Variants in PLCB4 observed in about 807,000 individuals in gnomAD.
PLCB4 encodes phospholipase C beta 4.
Under a neutral mutation model 178.8 loss-of-function variants are expected in PLCB4, and 77 were observed. The observed-to-expected ratio is 0.43, with a 90% CI of 0.36 to 0.52. PLCB4 has a LOEUF of 0.52. Ranked by LOEUF, PLCB4 falls within the 20% of genes least tolerant of loss-of-function variation. The probability of loss-of-function intolerance (pLI) is 0.00; values close to 1 mark genes in which losing one functional copy is unlikely to be tolerated. For missense variants in PLCB4, 1,024 were observed against 1,453.4 expected (o/e 0.70, Z 4.80); for synonymous variants, 496 against 490.8 (o/e 1.01, Z -0.14).
intron 2 of PLCB4, among the ~76,000 whole-genome samples, chr20:9,210,493 G>C (rs891739407): frequency 2.0e-5 from 3 of 152,160 alleles, no homozygotes; most frequent in Non-Finnish European, 4.4e-5. Flanking sequence ...GACGGAGTTG[G>C]CTGGGTGGAA....
intron 2 of PLCB4, among the ~76,000 whole-genome samples, chr20:9,104,169 G>A (rs748492323): frequency 1.4e-4 from 21 of 152,160 alleles, no homozygotes; most frequent in Non-Finnish European, 2.5e-4. Flanking sequence ...CTACATGCCT[G>A]GCAAGTTGAT....
At chr20:9,396,744 G>A (rs1479741180) in intron 19 of PLCB4, among the ~76,000 whole-genome samples, 3 of 152,140 alleles carry the variant, frequency 2.0e-5, no homozygotes, top group Non-Finnish European at 2.9e-5. Context: ...AAGAATTTTT[G>A]TTTCCCAATG....
chr20:9,384,236 A>T lies in PLCB4; in HGVS notation c.889A>T (p.Met297Leu). ...ISSDGFCRYLMSDENAPVFLD... is the reference protein window; with the variant it reads ...ISSDGFCRYLLSDENAPVFLD... Reference sequence around the variant, plus strand: ...AAGTGATGGGTTTTGCAGATATCTGATGTCAGATGAAAACGCCCCAGTCTT... The same window carrying T: ...AAGTGATGGGTTTTGCAGATATCTGTTGTCAGATGAAAACGCCCCAGTCTT... Residue 297 changes from methionine to leucine, a missense_variant, in exon 14 of 40, where the codon ATG becomes TTG. Physicochemically the swap from Met to Leu is conservative, Grantham distance 15. Around this residue, in one of 7 missense-constraint regions of PLCB4, gnomAD observed 263 missense variants for 417.4 expected, o/e 0.63. Coordinates refer to ENST00000378473, the MANE Select transcript of PLCB4 (RefSeq NM_001377142.1). The T allele has an allele frequency of 6.2e-7, 1 of 1,614,100 alleles. No individual in the cohort carries two copies. Among genetic ancestry groups the T allele is most frequent in the Non-Finnish European group, 8.5e-7 (1 of 1,179,950 alleles).
rs561273365 is a variant in PLCB4, at chr20:9,229,069, G to T, written c.-16+11617G>T. Among the ~76,000 whole-genome samples, 5 of 152,322 alleles carry T rather than the reference G, an allele frequency of 3.3e-5. No homozygotes were observed. The East Asian group carries it at 9.7e-4, about 29-fold the overall frequency. ...AAAACAAACCCCATGCTCTTAGAGA[G>T]TGCCTAAGACATTGTGAGAGTTTAA... On this transcript the variant is annotated intron_variant, in intron 3 of 39. Coordinates refer to ENST00000378473, the MANE Select transcript of PLCB4 (RefSeq NM_001377142.1).
At chr20:9,145,003 T>C (rs1200559990) in intron 2 of PLCB4, among the ~76,000 whole-genome samples, 1 of 152,040 alleles carries the variant, frequency 6.6e-6, no homozygotes, top group Non-Finnish European at 1.5e-5. Context: ...TCCAAAGCCA[T>C]GTGAGAAGAA....
At chr20:9,178,368 A>G (rs1031452983) in intron 2 of PLCB4, among the ~76,000 whole-genome samples, 1 of 152,000 alleles carries the variant, frequency 6.6e-6, no homozygotes, top group Non-Finnish European at 1.5e-5. Context: ...AATTTGGATC[A>G]CCTTCTGTGG....
chr20:9,105,344 A>G (rs977250006), intron 2 of PLCB4, among the ~76,000 whole-genome samples: 1 of 152,122 alleles, frequency 6.6e-6, no homozygotes, highest in Admixed American at 6.5e-5. Context: ...AATGAGTTTC[A>G]TATTAGTGGA....
chr20:9,076,858 T>G (rs1341407822), intron 1 of PLCB4, among the ~76,000 whole-genome samples: 1 of 152,154 alleles, frequency 6.6e-6, no homozygotes, highest in Non-Finnish European at 1.5e-5. Flanking sequence ...TTTAAAATGA[T>G]GTAAGTAATA....
chr20:9,342,368 G>A (rs1202948078), intron 7 of PLCB4, among the ~76,000 whole-genome samples: 1 of 152,188 alleles, frequency 6.6e-6, no homozygotes, highest in Non-Finnish European at 1.5e-5. Context: ...GACTCACTGA[G>A]TGGTTCTACT....
At chr20:9,430,910 T>A (rs989076835) in intron 28 of PLCB4, among the ~76,000 whole-genome samples, 11 of 152,226 alleles carry the variant, frequency 7.2e-5, no homozygotes, top group African/African-American at 2.7e-4. Flanking sequence ...GCACATGACT[T>A]TTTATGGAAG....
chr20:9,316,190 C>T (rs78789178), intron 4 of PLCB4, among the ~76,000 whole-genome samples: 1 of 152,062 alleles, frequency 6.6e-6, no homozygotes, highest in Admixed American at 6.5e-5. Context: ...TCATCAGCAC[C>T]ACCCAGAACC....
At chr20:9,416,198 G>A (rs1030445630) in intron 25 of PLCB4, among the ~76,000 whole-genome samples, 5 of 152,178 alleles carry the variant, frequency 3.3e-5, no homozygotes, top group Admixed American at 1.3e-4. Context: ...CTTCAGAGAT[G>A]AGTGTTCTAT....
intron 2 of PLCB4, among the ~76,000 whole-genome samples, chr20:9,131,850 C>T (rs569208475): frequency 6.6e-6 from 1 of 152,192 alleles, no homozygotes; most frequent in South Asian, 2.1e-4. Context: ...ATCATTTGGG[C>T]TTGTTTTCTT....
intron 2 of PLCB4, among the ~76,000 whole-genome samples, chr20:9,173,402 C>G (rs575282583): frequency 2.2e-4 from 34 of 152,312 alleles, no homozygotes; most frequent in Non-Finnish European, 3.5e-4. Flanking sequence ...GAGACACACG[C>G]TCTCCAGTTC....
At chr20:9,303,130 T>C (rs975813122) in intron 3 of PLCB4, among the ~76,000 whole-genome samples, 12 of 152,174 alleles carry the variant, frequency 7.9e-5, no homozygotes, top group African/African-American at 2.9e-4. Context: ...GGTCTATTTT[T>C]CTCTGCAGAT....
intron 2 of PLCB4, among the ~76,000 whole-genome samples, chr20:9,193,093 A>G (rs1197288494): frequency 1.3e-5 from 2 of 152,186 alleles, no homozygotes; most frequent in African/African-American, 2.4e-5. Context: ...TTCAACAAAT[A>G]TTTATTGAGC....
intron 2 of PLCB4, among the ~76,000 whole-genome samples, chr20:9,115,478 G>A (rs897027975): frequency 1.3e-5 from 2 of 150,196 alleles, no homozygotes; most frequent in Admixed American, 6.6e-5. Flanking sequence ...TGCACAATGT[G>A]CAGGTTTGTT....
At chr20:9,373,169 T>A (rs991911336) in intron 12 of PLCB4, 65 bp downstream of exon 12, 60 of 751,988 alleles carry the variant, frequency 8.0e-5, no homozygotes, top group Non-Finnish European at 1.3e-4. Flanking sequence ...TCTGGTGTCC[T>A]CATTGCATGC....
At chr20:9,269,168 A>G (rs769540764) in intron 3 of PLCB4, among the ~76,000 whole-genome samples, 15 of 152,354 alleles carry the variant, frequency 9.8e-5, no homozygotes, top group Non-Finnish European at 1.9e-4. Flanking sequence ...TAATCTGATT[A>G]GTTGTTAACA....
Sources: gnomAD v4.1 joint callset for allele counts (sites outside exome capture counted in the v4.1 genomes callset) on GRCh38, gnomAD v4.1.1 for gene constraint, gnomAD v4.1.1 regional missense constraint, MANE v1.5 for transcripts, NCBI Gene and HGNC (gene_info 2026-07-23, HGNC 2026-07-21) for gene names.